The following PKHD1 variants were observed in gnomAD, a reference collection of about 807,000 sequenced individuals.
PKHD1 encodes PKHD1 ciliary IPT domain containing fibrocystin/polyductin.
In PKHD1, 291 loss-of-function variants were observed where a neutral mutation model predicts 412.0. That is an observed-to-expected ratio of 0.71 (90% CI 0.64 to 0.78). PKHD1 has a LOEUF of 0.78. Among genes scored for constraint, PKHD1 ranks in the 30% least tolerant of loss-of-function variants. PKHD1 has a pLI of 0.00. For missense variants in PKHD1, 4,825 were observed against 4,950.7 expected (o/e 0.97, Z 0.76); for synonymous variants, 1,777 against 1,821.5 (o/e 0.98, Z 0.62).
At chr6:51,935,301 T>G (rs1425216022) in intron 36 of PKHD1, among the ~76,000 whole-genome samples, 1 of 152,150 alleles carries the variant, frequency 6.6e-6, no homozygotes, top group East Asian at 1.9e-4. Context: ...ATTGTGAGAT[T>G]AAATAATTTA....
In PKHD1 at chr6:52,082,495, T is replaced by C; in HGVS notation, c.178A>G (p.Ile60Val). ...LYPNNGSQLEIHLVNVNMVVP... is the reference protein window; with the variant it reads ...LYPNNGSQLEVHLVNVNMVVP... ...ACCATGTTCACGTTCACCAGGTGTA[T>C]CTCCAATTGAGAGCCATTGTTGGGG... Residue 60 changes from isoleucine (I) to valine (V), a missense_variant, in exon 4 of 67, where the codon ATA (isoleucine) becomes GTA (valine). Physicochemically the swap from Ile to Val is conservative, Grantham distance 29. Coordinates refer to ENST00000371117, the MANE Select transcript of PKHD1 (RefSeq NM_138694.4). 7 of 1,614,038 alleles carry C rather than the reference T, an allele frequency of 4.3e-6. No homozygotes were observed. The highest frequency in any genetic ancestry group is 5.9e-6 in the Non-Finnish European group (7 of 1,179,944).
At chr6:51,679,275 C>T (rs1417518614) in intron 60 of PKHD1, among the ~76,000 whole-genome samples, 1 of 152,044 alleles carries the variant, frequency 6.6e-6, no homozygotes, top group African/African-American at 2.4e-5. Flanking sequence ...TGACAGCAAA[C>T]ATCATAACAG....
chr6:51,702,231 C>CGTATAATATATAATATATT (rs1779537276), intron 60 of PKHD1, among the ~76,000 whole-genome samples: 1 of 93,396 alleles, frequency 1.1e-5, no homozygotes, highest in African/African-American at 3.4e-5. Context: ...ATATATATGT[C>CGTATAATATATAATATATT]ATGGAATACT....
chr6:51,626,193 A>G (rs1561980035), intron 66 of PKHD1, among the ~76,000 whole-genome samples: 1 of 152,134 alleles, frequency 6.6e-6, no homozygotes, highest in East Asian at 1.9e-4. Context: ...TTGGACTGCT[A>G]TTTTTTGCTT....
chr6:52,058,585 A>T lies in PKHD1; in HGVS notation c.1250T>A (p.Ile417Asn), dbSNP rs1185140604. 2 of 1,614,102 alleles carry T rather than the reference A, an allele frequency of 1.2e-6. No homozygotes were observed. Among genetic ancestry groups the T allele is most frequent in the South Asian group, 2.2e-5 (2 of 91,084 alleles). Reference sequence around the variant, plus strand: ...AAACCAGTCAGCAGTGCCGACGCTGATGGAGGCCACTTTCACCTATGCCCA... The same window carrying T: ...AAACCAGTCAGCAGTGCCGACGCTGTTGGAGGCCACTTTCACCTATGCCCA... Reference protein sequence around the residue: ...EPRTKVKVASISVGTADWFDS... With the variant: ...EPRTKVKVASNSVGTADWFDS... The change falls in exon 16 of 67, where the codon ATC (isoleucine) becomes AAC (asparagine). Residue 417 changes from isoleucine (I) to asparagine (N), a missense_variant. Coordinates refer to ENST00000371117, the MANE Select transcript of PKHD1 (RefSeq NM_138694.4).
At chr6:52,060,123 G>T (rs1808451249) in intron 14 of PKHD1, 81 bp from the exon 15 acceptor site, 1 of 784,032 alleles carries the variant, frequency 1.3e-6, no homozygotes, top group African/African-American at 1.7e-5. Context: ...CTTGTACTTT[G>T]TCTTCTTTTA....
chr6:51,719,911 A>G (rs1162752665), intron 60 of PKHD1, among the ~76,000 whole-genome samples: 2 of 152,176 alleles, frequency 1.3e-5, no homozygotes, highest in African/African-American at 2.4e-5. Context: ...TCTTTTGTGA[A>G]TGAAAAAGAA....
rs139554269 is a variant in PKHD1, at chr6:52,073,478, G to A, written c.512C>T (p.Ala171Val). ...ACACACTTACCTATCAATGTACTCAGCATCAAAATCAAAAGTTTCCAATCT... is the reference window on the plus strand; with the variant it reads ...ACACACTTACCTATCAATGTACTCAACATCAAAATCAAAAGTTTCCAATCT... Reference protein sequence around the residue: ...TGRLETFDFDAEYIDSPVILE... With the variant: ...TGRLETFDFDVEYIDSPVILE... The change falls in exon 7 of 67, where the codon GCT becomes GTT. Residue 171 changes from alanine (A) to valine (V), a missense_variant. Ala to Val is a moderately conservative substitution (Grantham distance 64). Transcript: ENST00000371117. 3.7e-6 allele frequency: 6 copies of A among 1,600,058 alleles called. No homozygotes were observed. The highest frequency in any genetic ancestry group is 1.7e-5 in the Admixed American group (1 of 59,982).
chr6:51,745,597 G>C (rs1216536424), intron 59 of PKHD1, among the ~76,000 whole-genome samples: 1 of 152,134 alleles, frequency 6.6e-6, no homozygotes, highest in Non-Finnish European at 1.5e-5. Flanking sequence ...CCAAAACTTT[G>C]GGAGGCTGAG....
intron 60 of PKHD1, among the ~76,000 whole-genome samples, chr6:51,671,879 C>T (rs1436799017): frequency 6.6e-6 from 1 of 152,068 alleles, no homozygotes; most frequent in East Asian, 1.9e-4. Context: ...GGGTCAGGGA[C>T]CCACTTGAGG....
At chr6:51,756,792 C>G (rs933390727) in intron 55 of PKHD1, among the ~76,000 whole-genome samples, 1 of 152,128 alleles carries the variant, frequency 6.6e-6, no homozygotes. Context: ...AAAAGTCAAT[C>G]TGCTGTATAA....
intron 63 of PKHD1, among the ~76,000 whole-genome samples, chr6:51,642,199 G>A (rs1436995663): frequency 2.6e-5 from 4 of 152,066 alleles, no homozygotes; most frequent in Non-Finnish European, 5.9e-5. Context: ...TAAGTGTCAG[G>A]ACAAAGTAAA....
intron 52 of PKHD1, among the ~76,000 whole-genome samples, chr6:51,802,251 CAAT>C (rs1376219102): frequency 6.8e-6 from 1 of 147,506 alleles, no homozygotes; most frequent in African/African-American, 2.7e-5. Context: ...ACAACAACAA[CAAT>C]CAAACAAACA....
intron 60 of PKHD1, among the ~76,000 whole-genome samples, chr6:51,694,547 C>CAT (rs1562116019): frequency 1.6e-4 from 9 of 55,448 alleles, no homozygotes; most frequent in African/African-American, 4.6e-4. Flanking sequence ...CCACAACCAG[C>CAT]CTTTTTTTTT....
intron 52 of PKHD1, among the ~76,000 whole-genome samples, chr6:51,799,872 A>G (rs1762638284): frequency 6.6e-6 from 1 of 152,200 alleles, no homozygotes; most frequent in African/African-American, 2.4e-5. Flanking sequence ...CTTACTTAAT[A>G]ATATAAGTGA....
chr6:51,623,197 A>G (rs199874716), intron 66 of PKHD1, among the ~76,000 whole-genome samples: 1 of 152,178 alleles, frequency 6.6e-6, no homozygotes, highest in East Asian at 1.9e-4. Context: ...CATTAATCCC[A>G]TTTATTTGAG....
At chr6:52,083,301 AACC>A in intron 2 of PKHD1, 46 bp from the exon 3 acceptor site, 2 of 1,156,300 alleles carry the variant, frequency 1.7e-6, no homozygotes, top group Non-Finnish European at 1.3e-6. Flanking sequence ...GTCAGATTCA[AACC>A]ACTACCTTCT....
chr6:51,763,948 CTT>C (rs61384250), intron 55 of PKHD1, among the ~76,000 whole-genome samples: 140 of 126,462 alleles, frequency 1.1e-3, no homozygotes, highest in Middle Eastern at 3.7e-3. Context: ...AACTAAAATT[CTT>C]TTTTTTTTTT....
chr6:51,847,413 A>G (rs2151625037), intron 50 of PKHD1, among the ~76,000 whole-genome samples: 2 of 152,220 alleles, frequency 1.3e-5, no homozygotes, highest in East Asian at 1.9e-4. Flanking sequence ...TGAATTAAAG[A>G]TATTATTAGT....
Sources: gnomAD v4.1 joint callset for allele counts (sites outside exome capture counted in the v4.1 genomes callset) on GRCh38, gnomAD v4.1.1 for gene constraint, MANE v1.5 for transcripts, NCBI Gene and HGNC (gene_info 2026-07-23, HGNC 2026-07-21) for gene names.